The following RERG variants were observed in gnomAD, a reference collection of about 807,000 sequenced individuals.
The protein encoded by RERG is ras-related and estrogen-regulated growth inhibitor.
In RERG, 25 loss-of-function variants were observed where a neutral mutation model predicts 23.2. The observed-to-expected ratio is 1.08, with a 90% CI of 0.79 to 1.50. The LOEUF is 1.50. Ranked by LOEUF, RERG falls within the 40% of genes most tolerant of loss-of-function variation. The pLI is 0.00. For missense variants in RERG, 253 were observed against 250.1 expected, an observed-to-expected ratio of 1.01 and a Z score of -0.08; for synonymous variants, 81 against 89.1, an observed-to-expected ratio of 0.91 and a Z score of 0.51.
At chr12:15,137,847 T>C (rs984511165) in intron 2 of RERG, 6 of 442,274 alleles carry the variant, frequency 1.4e-5, no homozygotes, top group Admixed American at 1.3e-4. Context: ...ATTACCTTTT[T>C]CTGTAATGCT....
chr12:15,220,445 C>A (rs1234075573), intron 1 of RERG, among the ~76,000 whole-genome samples: 2 of 152,170 alleles, frequency 1.3e-5, no homozygotes, highest in Non-Finnish European at 2.9e-5. Flanking sequence ...CACTTTCACG[C>A]TATGCACATA....
intron 2 of RERG, among the ~76,000 whole-genome samples, chr12:15,181,408 T>C (rs1864921042): frequency 6.6e-6 from 1 of 152,236 alleles, no homozygotes; most frequent in African/African-American, 2.4e-5. Flanking sequence ...TCAAGATTGC[T>C]AATGGCTGGG....
At position 15,150,136 on chromosome 12, in the gene RERG, G is replaced by A. The variant is rs374092072; in HGVS notation, c.62-29017C>T. Among the ~76,000 whole-genome samples the A allele has an allele frequency of 1.6e-3, 243 of 152,306 alleles. 1 individual carries two copies. The highest frequency in any genetic ancestry group is 2.4e-3 in the Non-Finnish European group (162 of 68,032). On this transcript the variant is annotated intron_variant, in intron 2 of 4. Coordinates refer to ENST00000256953, the MANE Select transcript of RERG (RefSeq NM_032918.3). The stretch of plus-strand genomic sequence containing the variant: ...GGACCACAGCTATGATATTAGAAGG[G>A]AGCTTAGTAGTCACCTTTGGATGGG...
chr12:15,135,760 A>T (rs1864134465), intron 2 of RERG, among the ~76,000 whole-genome samples: 1 of 152,122 alleles, frequency 6.6e-6, no homozygotes, highest in South Asian at 2.1e-4. Flanking sequence ...CCACTTGGTC[A>T]TGGCATATAC....
intron 2 of RERG, among the ~76,000 whole-genome samples, chr12:15,195,196 G>T (rs1423625537): frequency 5.3e-5 from 8 of 152,080 alleles, no homozygotes; most frequent in Admixed American, 3.9e-4. Flanking sequence ...TGATGGCAGA[G>T]TTGAGGAGAT....
intron 2 of RERG, among the ~76,000 whole-genome samples, chr12:15,161,187 A>AAAGAAAGAAAGAAAGAAAGAAAGAAAG (rs1864604976): frequency 6.7e-6 from 1 of 149,434 alleles, no homozygotes; most frequent in Non-Finnish European, 1.5e-5. Flanking sequence ...AGAAAGAAAG[A>AAAGAAAGAAAGAAAGAAAGAAAGAAAG]AAGAAAGAAA....
chr12:15,200,422 G>A lies in RERG; in HGVS notation c.61+17007C>T, dbSNP rs187712489. 1.3e-4 allele frequency among the ~76,000 whole-genome samples: 20 copies of A among 152,108 alleles called. No homozygotes were observed. The East Asian group carries it at 3.9e-3, about 29-fold the overall frequency. ...TAATCAGTTACAGAATGAAAACATA[G>A]CAACCATAAATGACAGTGGTCTTTT... is the stretch of plus-strand genomic sequence containing the variant. On this transcript the variant is annotated intron_variant, in intron 2 of 4. Coordinates refer to ENST00000256953, the MANE Select transcript of RERG (RefSeq NM_032918.3).
chr12:15,113,057 C>G (rs905843383), intron 3 of RERG, among the ~76,000 whole-genome samples: 1 of 152,158 alleles, frequency 6.6e-6, no homozygotes, highest in Non-Finnish European at 1.5e-5. Flanking sequence ...GAATTCAAGA[C>G]GTCCATCAAA....
intron 2 of RERG, among the ~76,000 whole-genome samples, chr12:15,174,136 G>T (rs1271129397): frequency 6.6e-6 from 1 of 151,912 alleles, no homozygotes; most frequent in Non-Finnish European, 1.5e-5. Flanking sequence ...GTTTCTGTTT[G>T]TCTGGTAGTG....
intron 2 of RERG, among the ~76,000 whole-genome samples, chr12:15,197,721 A>C (rs892376137): frequency 3.3e-5 from 5 of 152,200 alleles, no homozygotes; most frequent in African/African-American, 1.2e-4. Flanking sequence ...AACCTAATTT[A>C]AGTCATTTTA....
At chr12:15,121,735 AT>A (rs112939131) in intron 2 of RERG, among the ~76,000 whole-genome samples, 2,559 of 152,278 alleles carry the variant, frequency 0.017, 66 homozygotes, top group African/African-American at 0.058. Context: ...GGCAGGTACG[AT>A]GTTAATTCCC....
rs1863731414 is a variant in RERG at position 15,116,904 on chromosome 12, G to A, written c.118+4159C>T. Among the ~76,000 whole-genome samples the A allele has an allele frequency of 2.0e-5, 3 of 152,110 alleles. No homozygotes were observed. In the South Asian group the frequency reaches 6.2e-4, roughly 32 times the overall value. Reference sequence around the variant, plus strand: ...GAGCCTTTTTTGGTGAAGGGTGGGGGGATGATTATTTAGGAGATAGTTCCA... The same window carrying A: ...GAGCCTTTTTTGGTGAAGGGTGGGGAGATGATTATTTAGGAGATAGTTCCA... On this transcript the variant is annotated intron_variant, in intron 3 of 4. Coordinates refer to ENST00000256953, the MANE Select transcript of RERG (RefSeq NM_032918.3).
chr12:15,195,393 AAC>A (rs1048015882), intron 2 of RERG, among the ~76,000 whole-genome samples: 1 of 152,160 alleles, frequency 6.6e-6, no homozygotes, highest in Non-Finnish European at 1.5e-5. Context: ...GAGTTGGAGC[AAC>A]AGAGAGGCCA....
At chr12:15,201,002 G>C (rs969993251) in intron 2 of RERG, among the ~76,000 whole-genome samples, 4 of 151,778 alleles carry the variant, frequency 2.6e-5, no homozygotes, top group African/African-American at 7.3e-5. Context: ...CCAAATAAGA[G>C]GTTTTAACAT....
intron 2 of RERG, 42 bp downstream of exon 2, chr12:15,217,387 A>G: frequency 7.7e-7 from 1 of 1,305,810 alleles, no homozygotes; most frequent in African/African-American, 1.5e-5. Context: ...AAACACACTC[A>G]CCCACACACA....
chr12:15,200,762 A>G (rs939441231), intron 2 of RERG, among the ~76,000 whole-genome samples: 1 of 151,922 alleles, frequency 6.6e-6, no homozygotes, highest in Non-Finnish European at 1.5e-5. Context: ...ACTTGACTAT[A>G]TATTTTCCTT....
intron 2 of RERG, among the ~76,000 whole-genome samples, chr12:15,159,849 T>C (rs1364943900): frequency 6.8e-6 from 1 of 146,542 alleles, no homozygotes; most frequent in East Asian, 2.1e-4. Flanking sequence ...AAAATCTTAA[T>C]GGAAACAAAA....
At position 15,181,098 on chromosome 12, in the gene RERG, G is replaced by A. The variant is rs1023418530; in HGVS notation, c.61+36331C>T. Among the ~76,000 whole-genome samples the A allele has an allele frequency of 2.0e-5, 3 of 151,958 alleles. No homozygotes were observed. The South Asian group carries it at 6.2e-4, about 32-fold the overall frequency. ...CAATAGCTTTAAAACTCTGTTTTTG[G>A]TTCACCTTCTGCCGCTGAGACTCTA... On this transcript the variant is annotated intron_variant, in intron 2 of 4. Transcript: ENST00000256953.
At chr12:15,163,018 G>C (rs535335735) in intron 2 of RERG, among the ~76,000 whole-genome samples, 2 of 152,248 alleles carry the variant, frequency 1.3e-5, no homozygotes, top group East Asian at 3.9e-4. Flanking sequence ...CTTTGCTGAA[G>C]CAATATGAGT....
Sources: allele counts gnomAD v4.1 joint callset (sites outside exome capture counted in the v4.1 genomes callset), GRCh38; gene constraint gnomAD v4.1.1; transcripts MANE v1.5; gene names NCBI Gene and HGNC (gene_info 2026-07-23, HGNC 2026-07-21).